The following PRDM5 variants were observed in gnomAD, a reference collection of about 807,000 sequenced individuals.
The protein encoded by PRDM5 is PR domain zinc finger protein 5.
In PRDM5, 56 loss-of-function variants were observed where a neutral mutation model predicts 81.2. The observed-to-expected ratio is 0.69, with a 90% confidence interval of 0.56 to 0.86. PRDM5 has a LOEUF of 0.86. Among genes scored for constraint, PRDM5 ranks in the 40% least tolerant of loss-of-function variants. PRDM5 has a pLI of 0.00. For synonymous variants in PRDM5, 267 were observed against 256.4 expected (o/e 1.04, Z -0.39); for missense variants, 697 against 770.1 (o/e 0.91, Z 1.12).
At chr4:120,763,110 G>C (rs554180254) in intron 13 of PRDM5, among the ~76,000 whole-genome samples, 1 of 152,176 alleles carries the variant, frequency 6.6e-6, no homozygotes, top group South Asian at 2.1e-4. Context: ...GAATCTTACA[G>C]TTACAGTATC....
chr4:120,716,147 C>T (rs1391154205), intron 14 of PRDM5, among the ~76,000 whole-genome samples: 1 of 152,182 alleles, frequency 6.6e-6, no homozygotes, highest in South Asian at 2.1e-4. Flanking sequence ...TATCCACTCA[C>T]ATACTGATAT....
intron 4 of PRDM5, among the ~76,000 whole-genome samples, chr4:120,819,994 T>C (rs900820264): frequency 2.6e-5 from 4 of 152,224 alleles, no homozygotes; most frequent in Non-Finnish European, 5.9e-5. Context: ...CTTTGACTAA[T>C]GAAACCAGTA....
At chr4:120,807,672 G>T (rs28831670) in intron 8 of PRDM5, among the ~76,000 whole-genome samples, 38,753 of 152,138 alleles carry the variant, frequency 0.25, 5,655 homozygotes, top group East Asian at 0.35. Context: ...CTCACAGTGA[G>T]TGTTACAGTT....
At chr4:120,889,142 T>C (rs921485622) in intron 2 of PRDM5, among the ~76,000 whole-genome samples, 7 of 152,200 alleles carry the variant, frequency 4.6e-5, no homozygotes, top group African/African-American at 1.7e-4. Context: ...GAAACCTGTC[T>C]TTACGTTCAT....
chr4:120,862,529 A>C (rs1250696420), intron 2 of PRDM5, among the ~76,000 whole-genome samples: 9 of 152,182 alleles, frequency 5.9e-5, no homozygotes, highest in Non-Finnish European at 1.2e-4. Flanking sequence ...CTTCCAGTAG[A>C]GAGGTACGTC....
chr4:120,859,980 T>C (rs1481646133), intron 2 of PRDM5, among the ~76,000 whole-genome samples: 2 of 152,208 alleles, frequency 1.3e-5, no homozygotes, highest in African/African-American at 4.8e-5. Context: ...TTATGACCTC[T>C]GACCTAGGCA....
At chr4:120,886,406 A>T (rs12499872) in intron 2 of PRDM5, among the ~76,000 whole-genome samples, 10,005 of 152,294 alleles carry the variant, frequency 0.066, 473 homozygotes, top group Middle Eastern at 0.19. Context: ...CTGTAATCAC[A>T]TAATAACTGC....
chr4:120,747,105 T>G (rs1349965202), intron 14 of PRDM5, among the ~76,000 whole-genome samples: 1 of 149,176 alleles, frequency 6.7e-6, no homozygotes, highest in Non-Finnish European at 1.5e-5. Context: ...TATGCAGCCA[T>G]AAAAAATGAT....
At chr4:120,747,359 C>T (rs1010553359) in intron 14 of PRDM5, among the ~76,000 whole-genome samples, 8 of 151,324 alleles carry the variant, frequency 5.3e-5, no homozygotes, top group Admixed American at 2.6e-4. Flanking sequence ...GGGTGCAGCA[C>T]ACCAGCATGG....
intron 10 of PRDM5, among the ~76,000 whole-genome samples, chr4:120,793,264 A>G (rs1750849398): frequency 6.6e-6 from 1 of 152,148 alleles, no homozygotes; most frequent in Non-Finnish European, 1.5e-5. Context: ...TCTAGGTTGC[A>G]TGCTCCTTAT....
chr4:120,746,758 G>A (rs1483422119), intron 14 of PRDM5, among the ~76,000 whole-genome samples: 1 of 143,874 alleles, frequency 7.0e-6, no homozygotes, highest in African/African-American at 2.6e-5. Flanking sequence ...CAGTTACAAT[G>A]GCAATCATTA....
chr4:120,717,825 G>C (rs1055552561), intron 14 of PRDM5, among the ~76,000 whole-genome samples: 3 of 152,148 alleles, frequency 2.0e-5, no homozygotes, highest in Non-Finnish European at 4.4e-5. Context: ...GTTTACATTA[G>C]ACCACAATCA....
intron 1 of PRDM5, among the ~76,000 whole-genome samples, chr4:120,914,959 A>C (rs1723945115): frequency 6.6e-6 from 1 of 152,228 alleles, no homozygotes; most frequent in South Asian, 2.1e-4. Context: ...CTGTGGGTAC[A>C]CAAAGGCATA....
In PRDM5 at chr4:120,692,086, T is replaced by G. The variant is rs1734087176; in HGVS notation, c.*3025A>C. ...TTCCTCCTACCTACCCACTTCCACA[T>G]ATTCATTACTCTAAGATGAGTTTTC... On this transcript the variant is annotated 3_prime_UTR_variant, in exon 16 of 16. Coordinates refer to ENST00000264808, the MANE Select transcript of PRDM5 (RefSeq NM_018699.4). The G allele has an allele frequency of 6.6e-6, 1 of 152,116 alleles. No individual in the cohort carries two copies. The highest frequency in any genetic ancestry group is 2.4e-5 in the African/African-American group (1 of 41,440). 9.4% of individuals were successfully genotyped at this position (152,116 alleles called of 1,614,324 possible).
intron 13 of PRDM5, among the ~76,000 whole-genome samples, chr4:120,755,595 T>A (rs1412514053): frequency 1.3e-5 from 2 of 152,232 alleles, no homozygotes; most frequent in East Asian, 3.8e-4. Flanking sequence ...CTTAATTCAA[T>A]CTGGATATCA....
At chr4:120,743,738 A>AAT (rs1267975303) in intron 14 of PRDM5, among the ~76,000 whole-genome samples, 1 of 111,506 alleles carries the variant, frequency 9.0e-6, no homozygotes, top group African/African-American at 3.6e-5. Flanking sequence ...AACTATCCTA[A>AAT]ATATATATGC....
chr4:120,919,778 G>C (rs1724664029), intron 1 of PRDM5, among the ~76,000 whole-genome samples: 1 of 152,012 alleles, frequency 6.6e-6, no homozygotes, highest in African/African-American at 2.4e-5. Flanking sequence ...GCATTAGACA[G>C]GGTCTGGCAC....
intron 7 of PRDM5, among the ~76,000 whole-genome samples, chr4:120,815,421 C>T (rs1230009893): frequency 6.6e-6 from 1 of 152,208 alleles, no homozygotes; most frequent in Non-Finnish European, 1.5e-5. Context: ...CCACACAGAG[C>T]TTTCACCATA....
chr4:120,733,900 A>G (rs951737727), intron 14 of PRDM5, among the ~76,000 whole-genome samples: 4 of 152,036 alleles, frequency 2.6e-5, no homozygotes, highest in African/African-American at 9.6e-5. Flanking sequence ...AGTAAAAAAA[A>G]AAAAAAACAA....
Sources: allele counts gnomAD v4.1 joint callset (sites outside exome capture counted in the v4.1 genomes callset), GRCh38; gene constraint gnomAD v4.1.1; transcripts MANE v1.5; gene names NCBI Gene and HGNC (gene_info 2026-07-23, HGNC 2026-07-21).